RTN4RL1: variants seen among roughly 807,000 people sequenced by gnomAD.
RTN4RL1 encodes reticulon 4 receptor like 1, also known as reticulon-4 receptor-like 1.
Under a neutral mutation model 25.6 loss-of-function variants are expected in RTN4RL1, and 7 were observed. That is an observed-to-expected ratio of 0.27 (90% CI 0.16 to 0.51). RTN4RL1 has a LOEUF of 0.51. Among genes scored for constraint, RTN4RL1 ranks in the 20% least tolerant of loss-of-function variants. The probability of loss-of-function intolerance (pLI) is 0.97; values close to 1 mark genes in which losing one functional copy is unlikely to be tolerated. For missense variants in RTN4RL1, 500 were observed against 615.6 expected (o/e 0.81, Z 1.99); for synonymous variants, 297 against 288.2 (o/e 1.03, Z -0.31).
chr17:1,959,143 T>C (rs1360435580), intron 1 of RTN4RL1, among the ~76,000 whole-genome samples: 1 of 152,216 alleles, frequency 6.6e-6, no homozygotes, highest in Admixed American at 6.5e-5. Context: ...CCACTTCCCT[T>C]GATCCTAGGT....
At chr17:2,012,084 C>G (rs1416113970) in intron 1 of RTN4RL1, among the ~76,000 whole-genome samples, 1 of 152,210 alleles carries the variant, frequency 6.6e-6, no homozygotes, top group Non-Finnish European at 1.5e-5. Context: ...GCTCAGCTTC[C>G]TCTGGCAATT....
intron 1 of RTN4RL1, among the ~76,000 whole-genome samples, chr17:1,954,794 A>G (rs1489631255): frequency 6.6e-6 from 1 of 152,238 alleles, no homozygotes; most frequent in Non-Finnish European, 1.5e-5. Flanking sequence ...CAATGAATGA[A>G]TGAATGATTT....
intron 1 of RTN4RL1, among the ~76,000 whole-genome samples, chr17:1,969,720 C>T (rs773994656): frequency 6.6e-6 from 1 of 152,182 alleles, no homozygotes; most frequent in Non-Finnish European, 1.5e-5. Flanking sequence ...TACCGGTTCT[C>T]ATTTGGTTGG....
Position 1,981,209 on chromosome 17 carries a change from C to T in RTN4RL1, c.14-43401G>A, listed in dbSNP as rs1010581349. ...CAGCCTGGACAACATAAGGAGACTCCGTCCCTACAAAAAAATTTAAAATTA... is the reference window on the plus strand; with the variant it reads ...CAGCCTGGACAACATAAGGAGACTCTGTCCCTACAAAAAAATTTAAAATTA... On this transcript the variant is annotated intron_variant, in intron 1 of 1. Transcript: ENST00000331238. Among the ~76,000 whole-genome samples the T allele has an allele frequency of 4.6e-5, 7 of 151,620 alleles. No homozygotes were observed. In the South Asian group the frequency reaches 6.3e-4, roughly 14 times the overall value.
At chr17:2,019,791 G>C (rs1215141639) in intron 1 of RTN4RL1, 9 of 152,262 alleles carry the variant, frequency 5.9e-5, no homozygotes, top group Non-Finnish European at 1.3e-4. Flanking sequence ...TTTGGGTCAT[G>C]AACAGTTTCC....
intron 1 of RTN4RL1, among the ~76,000 whole-genome samples, chr17:2,021,320 T>G (rs144821598): frequency 1.3e-5 from 2 of 152,088 alleles, no homozygotes; most frequent in Non-Finnish European, 1.5e-5. Context: ...CCTCACTGCA[T>G]AGGGCACCCC....
chr17:2,006,095 CTCTTT>C (rs759424831), intron 1 of RTN4RL1, among the ~76,000 whole-genome samples: 8 of 150,256 alleles, frequency 5.3e-5, no homozygotes, highest in Non-Finnish European at 1.0e-4. Context: ...CCACCCCGGC[CTCTTT>C]TCTTTTAATA....
chr17:1,948,701 C>T (rs997284746), intron 1 of RTN4RL1, among the ~76,000 whole-genome samples: 4 of 144,616 alleles, frequency 2.8e-5, no homozygotes, highest in East Asian at 2.3e-4. Context: ...GCGACGAGAC[C>T]GTCCTCGGTG....
rs964351677 is a variant in RTN4RL1, at chr17:1,980,571, C to T, written c.14-42763G>A. ...TTTATAGCGTTCTGTACTTTTCATA[C>T]TTTCCACAGATGACATATATTACTT... On this transcript the variant is annotated intron_variant, in intron 1 of 1. Transcript: ENST00000331238. 5.3e-5 allele frequency among the ~76,000 whole-genome samples: 8 copies of T among 152,074 alleles called. No homozygotes were observed. In the East Asian group the frequency reaches 1.3e-3, roughly 26 times the overall value.
chr17:1,946,369 C>A (rs80019194), intron 1 of RTN4RL1, among the ~76,000 whole-genome samples: 4,322 of 152,362 alleles, frequency 0.028, 93 homozygotes, highest in Non-Finnish European at 0.042. Context: ...TCAGTCCCTG[C>A]AGCCAGGAGG....
chr17:1,992,205 A>C (rs2066912131), intron 1 of RTN4RL1, among the ~76,000 whole-genome samples: 1 of 152,032 alleles, frequency 6.6e-6, no homozygotes, highest in Non-Finnish European at 1.5e-5. Flanking sequence ...TCTACTAAAA[A>C]TACAAAAAAT....
chr17:1,976,159 C>T (rs1308400140), intron 1 of RTN4RL1, among the ~76,000 whole-genome samples: 2 of 152,212 alleles, frequency 1.3e-5, no homozygotes, highest in Admixed American at 6.5e-5. Flanking sequence ...CAATGATGGA[C>T]TATGTTCCCA....
At chr17:1,943,932 T>A (rs1915487895) in intron 1 of RTN4RL1, among the ~76,000 whole-genome samples, 1 of 120,454 alleles carries the variant, frequency 8.3e-6, no homozygotes, top group Non-Finnish European at 2.0e-5. Context: ...GTTTGAATCC[T>A]ATTTTTTTTT....
At chr17:1,989,931 GGCAAGACA>G (rs1190394201) in intron 1 of RTN4RL1, among the ~76,000 whole-genome samples, 1 of 151,654 alleles carries the variant, frequency 6.6e-6, no homozygotes. Context: ...GACCAGCCCG[GGCAAGACA>G]GCAAGACCCT....
intron 1 of RTN4RL1, among the ~76,000 whole-genome samples, chr17:1,941,346 T>TCGTGGGTGTGC (rs1191210190): frequency 2.6e-5 from 4 of 152,098 alleles, no homozygotes; most frequent in Admixed American, 6.5e-5. Context: ...GGTACGTGGC[T>TCGTGGGTGTGC]CGTGGGTGTG....
intron 1 of RTN4RL1, among the ~76,000 whole-genome samples, chr17:1,969,540 T>A (rs1044920505): frequency 6.6e-6 from 1 of 152,172 alleles, no homozygotes; most frequent in Non-Finnish European, 1.5e-5. Context: ...TGCTTCCCCT[T>A]AGCCAGCCGC....
intron 1 of RTN4RL1, among the ~76,000 whole-genome samples, chr17:1,990,471 C>T (rs1322658295): frequency 6.6e-6 from 1 of 152,120 alleles, no homozygotes; most frequent in East Asian, 1.9e-4. Flanking sequence ...TAAGGCAAGG[C>T]AGGAGGATGG....
At chr17:1,991,715 G>C (rs2066909760) in intron 1 of RTN4RL1, among the ~76,000 whole-genome samples, 1 of 152,174 alleles carries the variant, frequency 6.6e-6, no homozygotes, top group African/African-American at 2.4e-5. Context: ...AGTGCACACA[G>C]AGTCACCCAT....
At chr17:2,015,306 C>T (rs879638101) in intron 1 of RTN4RL1, among the ~76,000 whole-genome samples, 9 of 152,102 alleles carry the variant, frequency 5.9e-5, no homozygotes, top group African/African-American at 9.7e-5. Flanking sequence ...ATTTCAGACA[C>T]GCCGGGTTTG....
Sources: allele counts gnomAD v4.1 joint callset (sites outside exome capture counted in the v4.1 genomes callset), GRCh38; gene constraint gnomAD v4.1.1; transcripts MANE v1.5; gene names NCBI Gene and HGNC (gene_info 2026-07-23, HGNC 2026-07-21).